PLXNB1: variants seen among roughly 807,000 people sequenced by gnomAD.
PLXNB1 encodes plexin-B1.
In PLXNB1, 106 loss-of-function variants were observed where a neutral mutation model predicts 209.4. The observed-to-expected ratio is 0.51, with a 90% CI of 0.43 to 0.59. The LOEUF is 0.59. Among genes scored for constraint, PLXNB1 ranks in the 20% least tolerant of loss-of-function variants. The pLI is 0.00. For synonymous variants in PLXNB1, 1,167 were observed against 1,183.2 expected, an observed-to-expected ratio of 0.99 and a Z score of 0.28; for missense variants, 2,357 against 2,853.2, an observed-to-expected ratio of 0.83 and a Z score of 3.96.
intron 34 of PLXNB1, among the ~76,000 whole-genome samples, chr3:48,408,806 C>T (rs1363077230): frequency 6.6e-6 from 1 of 152,132 alleles, no homozygotes; most frequent in Non-Finnish European, 1.5e-5. Flanking sequence ...TGTGTGACTC[C>T]CCTCCTTCTT....
rs766672391 is a variant in PLXNB1, at chr3:48,419,031, T to C, written c.2841A>G (p.Pro947=). The C allele has an allele frequency of 6.2e-7, 1 of 1,614,042 alleles. No homozygotes were observed. The highest frequency in any genetic ancestry group is 8.5e-7 in the Non-Finnish European group (1 of 1,179,984). The change falls in exon 13 of 38, where the codon CCA becomes CCG. Residue 947 remains proline, a synonymous_variant. Coordinates refer to ENST00000296440, the MANE Select transcript of PLXNB1 (RefSeq NM_001130082.3). This position sits in a 1 kb window ranked among gnomAD's most constrained non-coding sequence, Gnocchi z 5.7. ...GRNLHLFQDG[P]GDNECVMELE... ...GCTCCATCACACACTCATTGTCTCC[T>C]GGGCCATCCTGAGGGCAGAGAACAC...
At chr3:48,414,513 A>C (rs1438627884) in intron 21 of PLXNB1, among the ~76,000 whole-genome samples, 1 of 152,136 alleles carries the variant, frequency 6.6e-6, no homozygotes. Flanking sequence ...TATGTGGACC[A>C]CACCACCCAG....
In PLXNB1 at chr3:48,409,632, C is replaced by T; in HGVS notation, c.5878G>A (p.Glu1960Lys). 1.2e-6 allele frequency: 2 copies of T among 1,614,006 alleles called. No homozygotes were observed. Among genetic ancestry groups the T allele is most frequent in the Middle Eastern group, 1.6e-4 (1 of 6,062 alleles). Residue 1960 changes from glutamate to lysine, a missense_variant, in exon 33 of 38, where the codon GAG (glutamate) becomes AAG (lysine). By Grantham distance (56) the Glu-to-Lys change is moderately conservative. Around this residue, in one of 7 missense-constraint regions of PLXNB1, gnomAD observed 414 missense variants for 520.5 expected, o/e 0.80. Coordinates refer to ENST00000296440, the MANE Select transcript of PLXNB1 (RefSeq NM_001130082.3). This position sits in a 1 kb window ranked among gnomAD's most constrained non-coding sequence, Gnocchi z 5.8. ...AVKYFFDLLD[E>K]QAQQHGISDQ... Reference sequence around the variant, plus strand: ...GAGATGCCATGCTGCTGGGCCTGCTCATCCAGCAGGTCAAAGAAGTACTTC... The same window carrying T: ...GAGATGCCATGCTGCTGGGCCTGCTTATCCAGCAGGTCAAAGAAGTACTTC...
At position 48,410,724 on chromosome 3, in the gene PLXNB1, C is replaced by T. The variant is rs1016667751; in HGVS notation, c.5416+144G>A. On this transcript the variant is annotated intron_variant, in intron 29 of 37. Transcript: ENST00000296440. The surrounding 1 kb of genome is among the most constrained non-coding windows in gnomAD (Gnocchi z 6.4). ...CCCCCTCCCCAGATGAGAGGCTGTC[C>T]AAGAAAGATGTTCCAAAGCCAGCTT... The T allele has an allele frequency of 2.0e-6, 2 of 980,508 alleles. No homozygotes were observed. Among genetic ancestry groups the T allele is most frequent in the Non-Finnish European group, 3.0e-6 (2 of 659,916 alleles). The allele number at this position is 980,508 out of a possible 1,614,324, so 60.7% of individuals were successfully genotyped here. A position where few individuals can be genotyped will look rare whatever the true frequency, so the allele number is the denominator to read the frequency against.
In PLXNB1 at chr3:48,409,704, G is replaced by A; in HGVS notation, c.5806C>T (p.Leu1936=). Residue 1936 remains leucine (L), a synonymous_variant, in exon 33 of 38, where the codon CTG becomes TTG. Coordinates refer to ENST00000296440, the MANE Select transcript of PLXNB1 (RefSeq NM_001130082.3). This position sits in a 1 kb window ranked among gnomAD's most constrained non-coding sequence, Gnocchi z 5.8. ...KGTLQKFVDD[L]FQVILSTSRP... Reference sequence around the variant, plus strand: ...CTGGTGCTGAGAATCACCTGGAACAGGTCATCCACGAACTTCTGCAGGGTG... The same window carrying A: ...CTGGTGCTGAGAATCACCTGGAACAAGTCATCCACGAACTTCTGCAGGGTG... The A allele has an allele frequency of 6.2e-7, 1 of 1,613,850 alleles. No individual in the cohort carries two copies. Among genetic ancestry groups the A allele is most frequent in the Non-Finnish European group, 8.5e-7 (1 of 1,180,014 alleles).
At chr3:48,423,465 C>G in intron 3 of PLXNB1, 40 bp downstream of exon 3, 1 of 1,589,906 alleles carries the variant, frequency 6.3e-7, no homozygotes, top group Non-Finnish European at 8.6e-7. Context: ...TGGCCAGTGG[C>G]CTCAGAGAGG....
Position 48,409,132 on chromosome 3 carries a change from G to A in PLXNB1, c.6087+197C>T, listed in dbSNP as rs1258679124. ...GTACTTGCTGCACACAACTTCACCT[G>A]TGAATTGGCACACAGTGTCCCCTCC... On this transcript the variant is annotated intron_variant, in intron 34 of 37. Transcript: ENST00000296440. This position sits in a 1 kb window ranked among gnomAD's most constrained non-coding sequence, Gnocchi z 5.8. Among the ~76,000 whole-genome samples, 1 of 152,182 alleles carries A rather than the reference G, an allele frequency of 6.6e-6. No homozygotes were observed. The highest frequency in any genetic ancestry group is 2.4e-5 in the African/African-American group (1 of 41,440).
Position 48,414,007 on chromosome 3 carries a change from C to G in PLXNB1, c.4274G>C (p.Cys1425Ser). 1 of 1,613,972 alleles carries G rather than the reference C, an allele frequency of 6.2e-7. No homozygotes were observed. Among genetic ancestry groups the G allele is most frequent in the Non-Finnish European group, 8.5e-7 (1 of 1,179,988 alleles). Residue 1425 changes from cysteine to serine, a missense_variant, in exon 22 of 38, where the codon TGT (cysteine) becomes TCT (serine). By Grantham distance (112) the Cys-to-Ser change is moderately radical. This residue lies in a region of PLXNB1 where 743 missense variants were observed against 896.2 expected (regional missense o/e 0.83). Coordinates refer to ENST00000296440, the MANE Select transcript of PLXNB1 (RefSeq NM_001130082.3). ...EVVAMIGDGP[C>S]VVKTLTRHHL... ...GTGCCGCGTCAGCGTCTTCACCACACAGGGGCCATCCCCTATCATAGCCAC... is the reference window on the plus strand; with the variant it reads ...GTGCCGCGTCAGCGTCTTCACCACAGAGGGGCCATCCCCTATCATAGCCAC...
At position 48,419,705 on chromosome 3, in the gene PLXNB1, G is replaced by T. The variant is rs1294100582; in HGVS notation, c.2581C>A (p.Pro861Thr). ...AGGAGGGTGGAAGTGGAGAAGGCGG[G>T]TGCGTCACCCCCCGTCCACTCGTCC... ...EADEWTGGDA[P>T]AFSTSTLLSG... Residue 861 changes from proline (P) to threonine (T), a missense_variant, in exon 11 of 38, where the codon CCC becomes ACC. Physicochemically the swap from Pro to Thr is conservative, Grantham distance 38. This residue lies in a region of PLXNB1 where 410 missense variants were observed against 401.0 expected (regional missense o/e 1.02). Transcript: ENST00000296440. The surrounding 1 kb of genome is among the most constrained non-coding windows in gnomAD (Gnocchi z 5.7). The T allele has an allele frequency of 6.2e-7, 1 of 1,612,278 alleles. No homozygotes were observed. Among genetic ancestry groups the T allele is most frequent in the Admixed American group, 1.7e-5 (1 of 59,972 alleles).
chr3:48,413,770 C>G lies in PLXNB1; in HGVS notation c.4435G>C (p.Gly1479Arg). 1 of 1,613,892 alleles carries G rather than the reference C, an allele frequency of 6.2e-7. No individual in the cohort carries two copies. Among genetic ancestry groups the G allele is most frequent in the Non-Finnish European group, 8.5e-7 (1 of 1,180,038 alleles). The change falls in exon 23 of 38, where the codon GGC becomes CGC. Residue 1479 changes from glycine (G) to arginine (R), a missense_variant. By Grantham distance (125) the Gly-to-Arg change is moderately radical (BLOSUM62 -2). This residue lies in a region of PLXNB1 where 743 missense variants were observed against 896.2 expected (regional missense o/e 0.83). Coordinates refer to ENST00000296440, the MANE Select transcript of PLXNB1 (RefSeq NM_001130082.3). This position sits in a 1 kb window ranked among gnomAD's most constrained non-coding sequence, Gnocchi z 5.4. ...ACAGGAAAAGCCCCAGGGCTCTCGC[C>G]GTCATACTGCACGTGACCCAGGGAG... is the stretch of plus-strand genomic sequence containing the variant. ...RFSLGHVQYD[G>R]ESPGAFPVAA...
rs2038616174 is a variant in PLXNB1, at chr3:48,422,754, TG to T, written c.1290+10del. 1 of 1,611,638 alleles carries T rather than the reference TG, an allele frequency of 6.2e-7. No homozygotes were observed. The highest frequency in any genetic ancestry group is 8.5e-7 in the Non-Finnish European group (1 of 1,178,476). Reference sequence around the variant, plus strand: ...CTCTGGGGCAGGGGCCAGTACTTCCTGTGGGCTCACCCTGTGCAGCTGCCCT... The same window carrying T: ...CTCTGGGGCAGGGGCCAGTACTTCCTTGGGCTCACCCTGTGCAGCTGCCCT... On this transcript the variant is annotated intron_variant, in intron 4 of 37. Coordinates refer to ENST00000296440, the MANE Select transcript of PLXNB1 (RefSeq NM_001130082.3).
In PLXNB1 at chr3:48,413,873, G is replaced by T. The variant is rs370719969; in HGVS notation, c.4386+22C>A. On this transcript the variant is annotated intron_variant, in intron 22 of 37. Coordinates refer to ENST00000296440, the MANE Select transcript of PLXNB1 (RefSeq NM_001130082.3). The surrounding 1 kb of genome is among the most constrained non-coding windows in gnomAD (Gnocchi z 5.4). ...TTTGGCCCAGGTCAATGCCCAGCCC[G>T]GCCAGGGACCTGCCCACTGACCGTG... is the stretch of plus-strand genomic sequence containing the variant. 6.2e-7 allele frequency: 1 copy of T among 1,606,304 alleles called. No homozygotes were observed. Among genetic ancestry groups the T allele is most frequent in the East Asian group, 2.2e-5 (1 of 44,704 alleles).
In PLXNB1 at chr3:48,406,510, G is replaced by T; in HGVS notation, c.6228+313C>A. 2 of 915,014 alleles carry T rather than the reference G, an allele frequency of 2.2e-6. No individual in the cohort carries two copies. The highest frequency in any genetic ancestry group is 1.8e-5 in the African/African-American group (1 of 55,956). The allele number at this position is 915,014 out of a possible 1,614,324, so 56.7% of individuals were successfully genotyped here. ...CACCTGTGCCACCAAGGGAAGCACA[G>T]CAGTGGGAAGACGCATGCAGGCAGA... On this transcript the variant is annotated intron_variant, in intron 36 of 37. Coordinates refer to ENST00000296440, the MANE Select transcript of PLXNB1 (RefSeq NM_001130082.3). The surrounding 1 kb of genome is among the most constrained non-coding windows in gnomAD (Gnocchi z 4.4).
At chr3:48,407,168 G>A in intron 34 of PLXNB1, 77 bp from the exon 35 acceptor site, 1 of 1,346,898 alleles carries the variant, frequency 7.4e-7, no homozygotes, top group Non-Finnish European at 1.1e-6. Flanking sequence ...AAGTGTCCTG[G>A]GTTTCCCAGT....
rs1047779534 is a variant in PLXNB1 at position 48,423,414 on chromosome 3, T to C, written c.1107+91A>G. 1.6e-5 allele frequency: 22 copies of C among 1,395,320 alleles called. No homozygotes were observed. The African/African-American group carries it at 2.7e-4, about 17-fold the overall frequency. 86.4% of individuals were successfully genotyped at this position (1,395,320 alleles called of 1,614,324 possible). A position where few individuals can be genotyped will look rare whatever the true frequency, so the allele number is the denominator to read the frequency against. On this transcript the variant is annotated intron_variant, in intron 3 of 37. Coordinates refer to ENST00000296440, the MANE Select transcript of PLXNB1 (RefSeq NM_001130082.3). ...TGATCATCCTCGTGCTACCACCAGC[T>C]GCCCTCGGACTCTCTGGGCAGCTCC...
Position 48,421,153 on chromosome 3 carries a change from A to G in PLXNB1, c.1810+75T>C, listed in dbSNP as rs2038489455. On this transcript the variant is annotated intron_variant, in intron 8 of 37. Coordinates refer to ENST00000296440, the MANE Select transcript of PLXNB1 (RefSeq NM_001130082.3). Reference sequence around the variant, plus strand: ...CATCCATTCATGGCTCTTTGCCTGGATTCACACTTTAACCCCACCGCATCC... The same window carrying G: ...CATCCATTCATGGCTCTTTGCCTGGGTTCACACTTTAACCCCACCGCATCC... 8 of 1,530,962 alleles carry G rather than the reference A, an allele frequency of 5.2e-6. No homozygotes were observed. In the Admixed American group the frequency reaches 1.5e-4, roughly 29 times the overall value. The allele number at this position is 1,530,962 out of a possible 1,614,324, so 94.8% of individuals were successfully genotyped here. A position where few individuals can be genotyped will look rare whatever the true frequency, so the allele number is the denominator to read the frequency against.
chr3:48,415,873 G>T lies in PLXNB1; in HGVS notation c.3618-114C>A. The T allele has an allele frequency of 7.4e-7, 1 of 1,343,542 alleles. No homozygotes were observed. The highest frequency in any genetic ancestry group is 1.0e-6 in the Non-Finnish European group (1 of 986,482). The allele number at this position is 1,343,542 out of a possible 1,614,324, so 83.2% of individuals were successfully genotyped here. On this transcript the variant is annotated intron_variant, in intron 18 of 37. Transcript: ENST00000296440. This position sits in a 1 kb window ranked among gnomAD's most constrained non-coding sequence, Gnocchi z 5.0. The stretch of plus-strand genomic sequence containing the variant: ...CTGCAGTCTCCACCAGGTGTCCCTG[G>T]AGGTGCACTCCCACCACAGCTGGCT...
At chr3:48,408,879 C>G (rs1483444683) in intron 34 of PLXNB1, among the ~76,000 whole-genome samples, 1 of 152,220 alleles carries the variant, frequency 6.6e-6, no homozygotes, top group East Asian at 1.9e-4. Flanking sequence ...CCGGCTTGAA[C>G]CCAGCCACTG....
rs2037985015 is a variant in PLXNB1, at chr3:48,415,075, A to G, written c.3967-34T>C. The G allele has an allele frequency of 1.2e-6, 2 of 1,609,558 alleles. No homozygotes were observed. The highest frequency in any genetic ancestry group is 2.2e-5 in the East Asian group (1 of 44,778). On this transcript the variant is annotated intron_variant, in intron 20 of 37. Coordinates refer to ENST00000296440, the MANE Select transcript of PLXNB1 (RefSeq NM_001130082.3). The surrounding 1 kb of genome is among the most constrained non-coding windows in gnomAD (Gnocchi z 5.0). ...AAGACAGGCAGGTTGACGAGGGGCC[A>G]AGCAAAGATGGGAAGAGCCTCCTCT...
Sources: allele counts gnomAD v4.1 joint callset (sites outside exome capture counted in the v4.1 genomes callset), GRCh38; gene constraint gnomAD v4.1.1; regional missense constraint gnomAD v4.1.1; non-coding constraint Gnocchi (gnomAD v3.1); transcripts MANE v1.5; gene names NCBI Gene and HGNC (gene_info 2026-07-23, HGNC 2026-07-21).